Variants in ANAPC10 observed in about 807,000 individuals in gnomAD.
ANAPC10 encodes anaphase-promoting complex subunit 10.
A neutral mutation model predicts 22.0 loss-of-function variants in ANAPC10; 12 were observed. The ratio of observed to expected loss-of-function variants is 0.55; its 90% CI spans 0.35 to 0.88. The LOEUF (loss-of-function observed/expected upper bound fraction) is 0.88, where lower values mean the gene tolerates loss of function less well. Ranked by LOEUF, ANAPC10 falls within the 40% of genes least tolerant of loss-of-function variation. The probability of loss-of-function intolerance (pLI) is 0.01; values close to 1 mark genes in which losing one functional copy is unlikely to be tolerated. For missense variants in ANAPC10, 188 were observed against 220.9 expected, an observed-to-expected ratio of 0.85 and a Z score of 0.94; for synonymous variants, 65 against 69.5, an observed-to-expected ratio of 0.94 and a Z score of 0.32.
chr4:145,004,700 TG>T (rs1733083951), intron 4 of ANAPC10, among the ~76,000 whole-genome samples: 1 of 152,170 alleles, frequency 6.6e-6, no homozygotes, highest in Admixed American at 6.6e-5. Context: ...GAAGCCCACT[TG>T]ATGTTGGTGA....
intron 4 of ANAPC10, among the ~76,000 whole-genome samples, chr4:145,000,680 C>T (rs193014902): frequency 6.6e-6 from 1 of 152,178 alleles, no homozygotes; most frequent in East Asian, 1.9e-4. Context: ...CTATTTGACC[C>T]AGCATTCCCA....
intron 4 of ANAPC10, among the ~76,000 whole-genome samples, chr4:145,029,026 C>T (rs983422744): frequency 5.9e-5 from 9 of 152,086 alleles, no homozygotes; most frequent in African/African-American, 1.9e-4. Flanking sequence ...TGACCTGCAA[C>T]GAAAGATGCA....
intron 4 of ANAPC10, among the ~76,000 whole-genome samples, chr4:145,005,900 C>A (rs1733267454): frequency 6.6e-6 from 1 of 151,780 alleles, no homozygotes; most frequent in African/African-American, 2.4e-5. Context: ...ATAGTATGTG[C>A]CACATGTAGA....
Position 145,085,774 on chromosome 4 carries a change from C to T in ANAPC10, c.116-4024G>A, listed in dbSNP as rs139539451. ...TTGCTTCTTCAATATGCCTTACAAA[C>T]GGAACCTCTTACAAACATCTCCTTA... On this transcript the variant is annotated intron_variant, in intron 2 of 4. Coordinates refer to ENST00000507656, the MANE Select transcript of ANAPC10 (RefSeq NM_001256706.2). Among the ~76,000 whole-genome samples, 3 of 152,170 alleles carry T rather than the reference C, an allele frequency of 2.0e-5. No homozygotes were observed. In the East Asian group the frequency reaches 5.8e-4, roughly 29 times the overall value.
chr4:145,070,418 A>G (rs1744325633), intron 3 of ANAPC10, among the ~76,000 whole-genome samples: 2 of 152,254 alleles, frequency 1.3e-5, no homozygotes, highest in African/African-American at 4.8e-5. Context: ...ACATGAAAAA[A>G]ATGCTTGATA....
intron 4 of ANAPC10, among the ~76,000 whole-genome samples, chr4:145,050,549 C>G (rs1412341267): frequency 1.3e-5 from 2 of 152,220 alleles, no homozygotes; most frequent in Non-Finnish European, 2.9e-5. Flanking sequence ...CTAATCTTAG[C>G]TGGCATCTTC....
chr4:145,096,246 T>C (rs1748499033), intron 1 of ANAPC10, 135 bp from the exon 2 acceptor site: 1 of 943,036 alleles, frequency 1.1e-6, no homozygotes, highest in South Asian at 1.7e-5. Context: ...GCAGTTAATA[T>C]AATTAAATCA....
intron 3 of ANAPC10, among the ~76,000 whole-genome samples, chr4:145,080,931 T>C (rs1296336456): frequency 7.4e-6 from 1 of 135,664 alleles, no homozygotes; most frequent in African/African-American, 2.7e-5. Context: ...AAAAAAAAGA[T>C]GGTATAAATG....
At chr4:145,024,807 T>C (rs1386098149) in intron 4 of ANAPC10, among the ~76,000 whole-genome samples, 1 of 152,174 alleles carries the variant, frequency 6.6e-6, no homozygotes, top group East Asian at 1.9e-4. Flanking sequence ...CAAAATCAGC[T>C]TGTCTGGTGA....
At chr4:145,041,140 T>C (rs550240817) in intron 4 of ANAPC10, among the ~76,000 whole-genome samples, 30 of 152,306 alleles carry the variant, frequency 2.0e-4, no homozygotes, top group African/African-American at 7.2e-4. Flanking sequence ...TATAGAAGTA[T>C]AAAAATTAGC....
intron 4 of ANAPC10, among the ~76,000 whole-genome samples, chr4:145,035,854 A>T (rs886344262): frequency 2.0e-5 from 3 of 152,160 alleles, no homozygotes; most frequent in African/African-American, 7.2e-5. Context: ...TAAATCCCTT[A>T]CTATACACCC....
intron 4 of ANAPC10, among the ~76,000 whole-genome samples, chr4:145,012,164 ATG>A (rs201645751): frequency 9.2e-4 from 128 of 138,888 alleles, no homozygotes; most frequent in Middle Eastern, 3.7e-3. Context: ...CTATATGTAT[ATG>A]TGTGTGTGTG....
chr4:145,030,881 G>A (rs184849483), intron 4 of ANAPC10, among the ~76,000 whole-genome samples: 7 of 152,274 alleles, frequency 4.6e-5, no homozygotes, highest in Admixed American at 6.5e-5. Flanking sequence ...CCACATCCCC[G>A]TTCAACTCTC....
At chr4:145,052,895 A>G (rs1741346349) in intron 4 of ANAPC10, among the ~76,000 whole-genome samples, 2 of 152,080 alleles carry the variant, frequency 1.3e-5, no homozygotes, top group South Asian at 4.1e-4. Context: ...CTCAAAAAAA[A>G]AAAAAAAAGG....
At chr4:145,027,046 C>T (rs1204105484) in intron 4 of ANAPC10, among the ~76,000 whole-genome samples, 4 of 113,024 alleles carry the variant, frequency 3.5e-5, no homozygotes, top group Admixed American at 3.1e-4. Context: ...CTCTGTCTCC[C>T]AGGCTGGAGT....
chr4:145,045,871 A>G (rs1740222822), intron 4 of ANAPC10, among the ~76,000 whole-genome samples: 1 of 152,164 alleles, frequency 6.6e-6, no homozygotes, highest in Admixed American at 6.6e-5. Flanking sequence ...AATTTTTAAA[A>G]TAAGTTGAAT....
In ANAPC10 at chr4:145,080,525, T is replaced by C. The variant is rs1381293228; in HGVS notation, c.206+1135A>G. Among the ~76,000 whole-genome samples the C allele has an allele frequency of 3.9e-5, 6 of 152,188 alleles. No homozygotes were observed. In the East Asian group the frequency reaches 1.2e-3, roughly 29 times the overall value. ...GAGATGGCCCACAAAGTCTAAAATA[T>C]TCACTATCTGGCTTGTTGGAAATTT... On this transcript the variant is annotated intron_variant, in intron 3 of 4. Coordinates refer to ENST00000507656, the MANE Select transcript of ANAPC10 (RefSeq NM_001256706.2).
At chr4:145,097,024 T>C (rs1461078784) in intron 1 of ANAPC10, among the ~76,000 whole-genome samples, 1 of 152,046 alleles carries the variant, frequency 6.6e-6, no homozygotes, top group Non-Finnish European at 1.5e-5. Flanking sequence ...CAGCCTGGAA[T>C]ATGGTGAAAC....
At chr4:145,009,845 T>G (rs553053402) in intron 4 of ANAPC10, among the ~76,000 whole-genome samples, 5 of 152,136 alleles carry the variant, frequency 3.3e-5, no homozygotes, top group Non-Finnish European at 7.4e-5. Flanking sequence ...ACTAAAGAGC[T>G]TCTGCACAGC....
Sources: gnomAD v4.1 joint callset for allele counts (sites outside exome capture counted in the v4.1 genomes callset) on GRCh38, gnomAD v4.1.1 for gene constraint, MANE v1.5 for transcripts, NCBI Gene and HGNC (gene_info 2026-07-23, HGNC 2026-07-21) for gene names.